The following PELP1 variants were observed in gnomAD, a reference collection of about 807,000 sequenced individuals.
PELP1 encodes the protein proline-, glutamic acid- and leucine-rich protein 1.
In PELP1, 32 loss-of-function variants were observed where a neutral mutation model predicts 95.5. The ratio of observed to expected loss-of-function variants is 0.34; its 90% CI spans 0.25 to 0.45. PELP1 has a LOEUF of 0.45. PELP1 is among the 20% of genes least tolerant of loss of function. The pLI, the probability that PELP1 is intolerant of heterozygous loss-of-function variation, is 1.00. For synonymous variants in PELP1, 668 were observed against 600.1 expected (o/e 1.11, Z -1.65); for missense variants, 1,358 against 1,444.8 (o/e 0.94, Z 0.97).
At chr17:4,692,507 T>C (rs889024270) in intron 1 of PELP1, among the ~76,000 whole-genome samples, 4 of 151,660 alleles carry the variant, frequency 2.6e-5, no homozygotes, top group Non-Finnish European at 5.9e-5. Flanking sequence ...ATATACTTCA[T>C]GTGAGACCTT....
At chr17:4,686,302 G>A (rs1294722292) in intron 3 of PELP1, among the ~76,000 whole-genome samples, 1 of 152,150 alleles carries the variant, frequency 6.6e-6, no homozygotes, top group Non-Finnish European at 1.5e-5. Context: ...CTGGACATGT[G>A]TTCTACTCGA....
chr17:4,683,433 G>T (rs142938965), intron 3 of PELP1, among the ~76,000 whole-genome samples: 7,302 of 150,898 alleles, frequency 0.048, 272 homozygotes, highest in Non-Finnish European at 0.077. Context: ...TGTTAGCCAG[G>T]ATGGTCTCGA....
chr17:4,672,082 C>A lies in PELP1; in HGVS notation c.2909G>T (p.Gly970Val). Residue 970 changes from glycine to valine, a missense_variant, in exon 16 of 17, where the codon GGG becomes GTG. Transcript: ENST00000572293. ...VEDLEFGTAG[G>V]EVEEGAPPPP... Reference sequence around the variant, plus strand: ...TGGAGGTGCACCTTCTTCTACCTCCCCTCCTGCTGTGCCAAACTCCAGGTC... The same window carrying A: ...TGGAGGTGCACCTTCTTCTACCTCCACTCCTGCTGTGCCAAACTCCAGGTC... 6.4e-7 allele frequency: 1 copy of A among 1,555,468 alleles called. No individual in the cohort carries two copies. Among genetic ancestry groups the A allele is most frequent in the East Asian group, 2.4e-5 (1 of 41,464 alleles).
chr17:4,696,883 C>T (rs1370286719), intron 1 of PELP1: 1 of 151,994 alleles, frequency 6.6e-6, no homozygotes, highest in Non-Finnish European at 1.5e-5. Context: ...TGCCATTCAC[C>T]GAGAAGGGAA....
intron 5 of PELP1, among the ~76,000 whole-genome samples, chr17:4,678,636 G>A (rs1225316579): frequency 1.3e-5 from 2 of 152,144 alleles, no homozygotes; most frequent in East Asian, 1.9e-4. Context: ...CTCAAAACGC[G>A]CACACACACA....
chr17:4,697,175 C>T (rs1913329855), intron 1 of PELP1, among the ~76,000 whole-genome samples: 1 of 152,078 alleles, frequency 6.6e-6, no homozygotes, highest in Admixed American at 6.6e-5. Context: ...AGGGATCAGT[C>T]TTTACTGGAA....
rs528211445 is a variant in PELP1, at chr17:4,683,376, A to T, written c.421-424T>A. On this transcript the variant is annotated intron_variant, in intron 3 of 16. Transcript: ENST00000572293. ...GCTGAGACTACAAGCGCCCGCCACCACGCCTGACTAATTTTTTGTATTTTT... is the reference window on the plus strand; with the variant it reads ...GCTGAGACTACAAGCGCCCGCCACCTCGCCTGACTAATTTTTTGTATTTTT... Among the ~76,000 whole-genome samples the T allele has an allele frequency of 8.6e-5, 13 of 151,448 alleles. No homozygotes were observed. In the South Asian group the frequency reaches 1.5e-3, roughly 17 times the overall value.
In PELP1 at chr17:4,703,975, T is replaced by C. The variant is rs867782035; in HGVS notation, c.137A>G (p.Gln46Arg). 2.5e-6 allele frequency: 4 copies of C among 1,613,430 alleles called. No homozygotes were observed. The highest frequency in any genetic ancestry group is 1.7e-5 in the Admixed American group (1 of 59,996). ...AGCAACGGCAGACCCCGTTCGAGGT[T>C]GCAGCAAACCAGAAACACTCTCCAG... ...LLLESVSGLL[Q>R]PRTGSAVAPV... Residue 46 changes from glutamine to arginine, a missense_variant, in exon 1 of 17, where the codon CAA becomes CGA. This residue lies in a region of PELP1 where 169 missense variants were observed against 134.9 expected (regional missense o/e 1.25). Coordinates refer to ENST00000572293, the MANE Select transcript of PELP1 (RefSeq NM_014389.3).
At chr17:4,694,558 G>A (rs1913223374) in intron 1 of PELP1, among the ~76,000 whole-genome samples, 1 of 147,144 alleles carries the variant, frequency 6.8e-6, no homozygotes, top group Non-Finnish European at 1.5e-5. Flanking sequence ...TACTCCAAAG[G>A]CTGAGGCAGG....
chr17:4,672,826 C>T lies in PELP1; in HGVS notation c.2165G>A (p.Arg722Gln), dbSNP rs749338627. 1.4e-5 allele frequency: 23 copies of T among 1,613,660 alleles called. No individual in the cohort carries two copies. The highest frequency in any genetic ancestry group is 1.0e-4 in the Admixed American group (6 of 59,974). ...GTGGTTCTCAGGGCCAGGAAGAAGC[C>T]GGGGAGGGACAGACACTAGGCCTGG... Reference protein sequence around the residue: ...SVPGLVSVPPRLLPGPENHRA... With the variant: ...SVPGLVSVPPQLLPGPENHRA... Residue 722 changes from arginine to glutamine, a missense_variant, in exon 16 of 17, where the codon CGG becomes CAG. Around this residue, in one of 7 missense-constraint regions of PELP1, gnomAD observed 340 missense variants for 322.9 expected, o/e 1.05. Transcript: ENST00000572293.
At chr17:4,679,344 A>G (rs1912611909) in intron 5 of PELP1, among the ~76,000 whole-genome samples, 1 of 152,188 alleles carries the variant, frequency 6.6e-6, no homozygotes, top group African/African-American at 2.4e-5. Flanking sequence ...AAGGGTACTC[A>G]AAATGCAGGC....
intron 1 of PELP1, among the ~76,000 whole-genome samples, chr17:4,697,159 G>A (rs1298150515): frequency 6.6e-6 from 1 of 152,160 alleles, no homozygotes; most frequent in Admixed American, 6.6e-5. Flanking sequence ...GGTCACAGAG[G>A]TGAGGAGGGA....
In PELP1 at chr17:4,671,963, C is replaced by T. The variant is rs1912222329; in HGVS notation, c.3028G>A (p.Glu1010Lys). The T allele has an allele frequency of 2.0e-6, 3 of 1,537,116 alleles. No homozygotes were observed. The highest frequency in any genetic ancestry group is 1.4e-5 in the African/African-American group (1 of 72,376). The stretch of plus-strand genomic sequence containing the variant: ...CGCTCCTCCTCCGTCCCTGGCTCCT[C>T]CACTTCCAAAAGCAGCCCGGGTTCA... ...EPEPGLLLEVEEPGTEEERGA... is the reference protein window; with the variant it reads ...EPEPGLLLEVKEPGTEEERGA... Residue 1010 changes from glutamate to lysine, a missense_variant, in exon 16 of 17, where the codon GAG (glutamate) becomes AAG (lysine). Coordinates refer to ENST00000572293, the MANE Select transcript of PELP1 (RefSeq NM_014389.3).
rs1401695667 is a variant in PELP1, at chr17:4,672,924, C to A, written c.2067G>T (p.Met689Ile). 6.2e-7 allele frequency: 1 copy of A among 1,610,572 alleles called. No individual in the cohort carries two copies. The highest frequency in any genetic ancestry group is 2.2e-5 in the East Asian group (1 of 44,816). The change falls in exon 16 of 17, where the codon ATG becomes ATT. Residue 689 changes from methionine (M) to isoleucine (I), a missense_variant. Physicochemically the swap from Met to Ile is conservative, Grantham distance 10 (BLOSUM62 1). Coordinates refer to ENST00000572293, the MANE Select transcript of PELP1 (RefSeq NM_014389.3). ...SAGPMPSAGP[M>I]PSAGPVPSAR... is the part of the protein sequence containing the mutation. ...CCGAGGGCACAGGGCCTGCTGAGGG[C>A]ATGGGGCCTGCTGAAGGCATGGGGC... is the stretch of plus-strand genomic sequence containing the variant.
chr17:4,676,024 A>G lies in PELP1; in HGVS notation c.980+12T>C. 6.2e-7 allele frequency: 1 copy of G among 1,613,108 alleles called. No individual in the cohort carries two copies. Among genetic ancestry groups the G allele is most frequent in the Non-Finnish European group, 8.5e-7 (1 of 1,179,568 alleles). ...GCTCCACGCCTCCGCTCCCTCCAAT[A>G]CCCACACACACCTGAGCATGAGCCC... On this transcript the variant is annotated intron_variant, in intron 8 of 16. Transcript: ENST00000572293.
In PELP1 at chr17:4,673,886, T is replaced by C. The variant is rs562406126; in HGVS notation, c.1583-212A>G. On this transcript the variant is annotated intron_variant, in intron 13 of 16. Transcript: ENST00000572293. This position sits in a 1 kb window ranked among gnomAD's most constrained non-coding sequence, Gnocchi z 5.7. ...TAATTGAGACAATGTAAGTAAAAAA[T>C]TATAAATTTTATAATTTTGCATTTA... 6.3e-5 allele frequency: 35 copies of C among 551,966 alleles called. No individual in the cohort carries two copies. Among genetic ancestry groups the C allele is most frequent in the Admixed American group, 3.9e-4 (13 of 32,916 alleles). The allele number at this position is 551,966 out of a possible 1,614,324, so 34.2% of individuals were successfully genotyped here. A position where few individuals can be genotyped will look rare whatever the true frequency, so the allele number is the denominator to read the frequency against.
chr17:4,685,261 C>A (rs529809177), intron 3 of PELP1, among the ~76,000 whole-genome samples: 2 of 152,130 alleles, frequency 1.3e-5, no homozygotes, highest in Admixed American at 6.6e-5. Context: ...GAGGCACACA[C>A]GGAAATAACT....
chr17:4,687,742 A>G (rs1236649235), intron 3 of PELP1, among the ~76,000 whole-genome samples: 3 of 152,232 alleles, frequency 2.0e-5, no homozygotes, highest in Non-Finnish European at 4.4e-5. Context: ...AGCAGGGTCC[A>G]TGTACATCTC....
In PELP1 at chr17:4,690,932, G is replaced by A; in HGVS notation, c.376C>T (p.Gln126Ter). The A allele has an allele frequency of 1.2e-6, 2 of 1,613,886 alleles. No individual in the cohort carries two copies. The highest frequency in any genetic ancestry group is 1.7e-6 in the Non-Finnish European group (2 of 1,179,766). ...CTCCGAAGCCAAGACACACAGTGCT[G>A]CTGGAATAGCTCTGTGGGGCTCTCC... is the stretch of plus-strand genomic sequence containing the variant. ...VGESPTELFQ[Q>*]HCVSWLRSIQ... Residue 126 changes from glutamine to a stop codon, truncating the protein, a stop_gained, in exon 3 of 17, where the codon CAG becomes TAG. Transcript: ENST00000572293. LOFTEE classifies it high-confidence loss of function.
Sources: gnomAD v4.1 joint callset for allele counts (sites outside exome capture counted in the v4.1 genomes callset) on GRCh38, gnomAD v4.1.1 for gene constraint, gnomAD v4.1.1 regional missense constraint, Gnocchi (gnomAD v3.1) non-coding constraint, MANE v1.5 for transcripts, NCBI Gene and HGNC (gene_info 2026-07-23, HGNC 2026-07-21) for gene names.